Variants in DCDC1 observed in about 807,000 individuals in gnomAD.
DCDC1 encodes doublecortin domain-containing protein 1.
DCDC1 carries 200 observed loss-of-function variants against 178.3 expected under a neutral mutation model. The ratio of observed to expected loss-of-function variants is 1.12; its 90% confidence interval spans 1.00 to 1.26. The LOEUF (loss-of-function observed/expected upper bound fraction) is 1.26. DCDC1 is among the 50% of genes most tolerant of loss of function. DCDC1 has a pLI of 0.00. For synonymous variants in DCDC1, 690 were observed against 604.8 expected (o/e 1.14, Z -2.07); for missense variants, 1,983 against 1,749.2 (o/e 1.13, Z -2.38).
At chr11:30,994,627 T>C (rs1181905620) in intron 20 of DCDC1, among the ~76,000 whole-genome samples, 1 of 145,656 alleles carries the variant, frequency 6.9e-6, no homozygotes, top group Middle Eastern at 3.6e-3. Flanking sequence ...ATATATAAAT[T>C]ATTTATATAT....
chr11:30,943,560 A>G (rs1947807224), intron 21 of DCDC1: 1 of 385,144 alleles, frequency 2.6e-6, no homozygotes, highest in Admixed American at 3.2e-5. Context: ...TTCCTTGAAT[A>G]TGAAAATCCA....
chr11:30,893,750 G>A (rs1042891549), intron 35 of DCDC1, among the ~76,000 whole-genome samples: 76 of 152,034 alleles, frequency 5.0e-4, no homozygotes, highest in African/African-American at 1.7e-3. Flanking sequence ...CTCTCTCCCC[G>A]GTCCTCTCTC....
chr11:31,179,427 C>T (rs1050014516), intron 9 of DCDC1, among the ~76,000 whole-genome samples: 13 of 152,216 alleles, frequency 8.5e-5, no homozygotes, highest in South Asian at 2.1e-4. Context: ...TCAACCTAAG[C>T]GTCCAACAAC....
intron 1 of DCDC1, among the ~76,000 whole-genome samples, chr11:31,340,814 G>A (rs890802641): frequency 5.3e-5 from 8 of 152,024 alleles, no homozygotes; most frequent in African/African-American, 1.9e-4. Context: ...CTGCACTCAC[G>A]GGAGCCAATT....
At chr11:31,184,299 A>G (rs1565399614) in intron 9 of DCDC1, among the ~76,000 whole-genome samples, 1 of 152,260 alleles carries the variant, frequency 6.6e-6, no homozygotes, top group African/African-American at 2.4e-5. Flanking sequence ...AAGATGGATT[A>G]AAGACTTAAA....
At position 30,904,968 on chromosome 11, in the gene DCDC1, A is replaced by C; in HGVS notation, c.4301T>G (p.Phe1434Cys). Residue 1434 changes from phenylalanine (F) to cysteine (C), a missense_variant, in exon 31 of 39, where the codon TTC (phenylalanine) becomes TGC (cysteine). Coordinates refer to ENST00000684477, the MANE Select transcript of DCDC1 (RefSeq NM_001387274.1). ...RNGKLIVAGTFPMLLTECTEQ... is the reference protein window; with the variant it reads ...RNGKLIVAGTCPMLLTECTEQ... Reference sequence around the variant, plus strand: ...TAAGTGATAGCCACTTACCATGGGGAATGTTCCAGCCACAATTAACTTCCC... The same window carrying C: ...TAAGTGATAGCCACTTACCATGGGGCATGTTCCAGCCACAATTAACTTCCC... 6.2e-7 allele frequency: 1 copy of C among 1,613,678 alleles called. No individual in the cohort carries two copies. Among genetic ancestry groups the C allele is most frequent in the Non-Finnish European group, 8.5e-7 (1 of 1,179,672 alleles).
chr11:31,036,842 C>G (rs1489652364), intron 20 of DCDC1, among the ~76,000 whole-genome samples: 1 of 152,032 alleles, frequency 6.6e-6, no homozygotes, highest in Non-Finnish European at 1.5e-5. Context: ...GAACTCTGTT[C>G]AAATAGATAT....
chr11:30,895,548 G>C (rs1325429935), intron 34 of DCDC1, among the ~76,000 whole-genome samples: 2 of 152,158 alleles, frequency 1.3e-5, no homozygotes, highest in Non-Finnish European at 2.9e-5. Context: ...GGTACTTATA[G>C]AGTATAAAGC....
chr11:30,970,808 A>G (rs1949734048), intron 20 of DCDC1, among the ~76,000 whole-genome samples: 1 of 152,146 alleles, frequency 6.6e-6, no homozygotes, highest in Non-Finnish European at 1.5e-5. Flanking sequence ...ATTACCCCAT[A>G]TCTGCCTACC....
At chr11:31,201,501 A>T (rs1971278722) in intron 9 of DCDC1, among the ~76,000 whole-genome samples, 1 of 152,040 alleles carries the variant, frequency 6.6e-6, no homozygotes, top group Non-Finnish European at 1.5e-5. Context: ...AATATTCACA[A>T]TTACCACCTG....
intron 23 of DCDC1, 64 bp from the exon 24 acceptor site, chr11:30,922,702 T>C: frequency 7.2e-7 from 1 of 1,396,286 alleles, no homozygotes. Flanking sequence ...TGTAATAATC[T>C]AAACTGGAAA....
intron 2 of DCDC1, among the ~76,000 whole-genome samples, chr11:31,329,744 GC>G (rs1449046152): frequency 6.6e-6 from 1 of 152,032 alleles, no homozygotes; most frequent in Non-Finnish European, 1.5e-5. Flanking sequence ...CTTTTTTATG[GC>G]TGCATAGTAT....
intron 9 of DCDC1, among the ~76,000 whole-genome samples, chr11:31,225,372 A>T (rs956141461): frequency 7.0e-6 from 1 of 142,424 alleles, no homozygotes; most frequent in African/African-American, 2.6e-5. Flanking sequence ...GACATGGGGG[A>T]AAGTTGGGGG....
chr11:31,003,251 T>C (rs1001218053), intron 20 of DCDC1, among the ~76,000 whole-genome samples: 2 of 152,150 alleles, frequency 1.3e-5, no homozygotes, highest in South Asian at 2.1e-4. Flanking sequence ...CGAAGCACTT[T>C]AGTAGATGCT....
intron 11 of DCDC1, among the ~76,000 whole-genome samples, chr11:31,118,237 AT>A (rs1199080793): frequency 6.6e-6 from 1 of 151,728 alleles, no homozygotes; most frequent in African/African-American, 2.4e-5. Context: ...ATTCAGTTTC[AT>A]TTCTTTATAT....
At chr11:31,202,303 C>G (rs1591387969) in intron 9 of DCDC1, among the ~76,000 whole-genome samples, 1 of 152,178 alleles carries the variant, frequency 6.6e-6, no homozygotes, top group East Asian at 1.9e-4. Context: ...TGGCTCACGC[C>G]TGTAATCCCA....
At chr11:30,941,408 C>A (rs1166497894) in intron 21 of DCDC1, among the ~76,000 whole-genome samples, 4 of 152,144 alleles carry the variant, frequency 2.6e-5, no homozygotes, top group African/African-American at 9.7e-5. Flanking sequence ...GACCTTCTCC[C>A]CTGCTGCCCT....
chr11:31,255,291 T>G (rs1447889658), intron 8 of DCDC1, among the ~76,000 whole-genome samples: 2 of 152,206 alleles, frequency 1.3e-5, no homozygotes, highest in East Asian at 3.8e-4. Context: ...GTACCTGTTT[T>G]TAATTTTTTT....
At chr11:31,321,628 G>A (rs1469621027) in intron 3 of DCDC1, among the ~76,000 whole-genome samples, 5 of 150,920 alleles carry the variant, frequency 3.3e-5, no homozygotes, top group Admixed American at 1.3e-4. Flanking sequence ...CGTCGCTCAC[G>A]CTGGGAGCTG....
Sources: gnomAD v4.1 joint callset for allele counts (sites outside exome capture counted in the v4.1 genomes callset) on GRCh38, gnomAD v4.1.1 for gene constraint, MANE v1.5 for transcripts, NCBI Gene and HGNC (gene_info 2026-07-23, HGNC 2026-07-21) for gene names.